ASTN2: variants seen among roughly 807,000 people sequenced by gnomAD.
ASTN2 encodes astrotactin-2.
Under a neutral mutation model 139.8 loss-of-function variants are expected in ASTN2, and 54 were observed. The ratio of observed to expected loss-of-function variants is 0.39; its 90% CI spans 0.31 to 0.48. The LOEUF is 0.48. ASTN2 is among the 20% of genes least tolerant of loss of function. ASTN2 has a pLI of 0.95. For synonymous variants in ASTN2, 756 were observed against 719.5 expected (o/e 1.05, Z -0.81); for missense variants, 1,565 against 1,725.1 (o/e 0.91, Z 1.64).
chr9:117,226,138 G>A (rs1832706140), intron 2 of ASTN2, among the ~76,000 whole-genome samples: 1 of 152,216 alleles, frequency 6.6e-6, no homozygotes, highest in African/African-American at 2.4e-5. Context: ...TCCAATTACA[G>A]TCAAGTTCAA....
chr9:117,262,600 C>T (rs950625659), intron 2 of ASTN2, among the ~76,000 whole-genome samples: 2 of 151,968 alleles, frequency 1.3e-5, no homozygotes, highest in Non-Finnish European at 2.9e-5. Flanking sequence ...TTGCAGTGAA[C>T]TTTTTAGGGT....
chr9:117,399,059 C>T (rs1830752780), intron 1 of ASTN2, among the ~76,000 whole-genome samples: 1 of 152,282 alleles, frequency 6.6e-6, no homozygotes, highest in East Asian at 1.9e-4. Context: ...GCTGGGATTA[C>T]AGGCGTGAGC....
intron 4 of ASTN2, among the ~76,000 whole-genome samples, chr9:117,110,735 A>G (rs1829228827): frequency 1.3e-5 from 2 of 152,240 alleles, no homozygotes; most frequent in Admixed American, 1.3e-4. Context: ...TAGCCAGCAC[A>G]GGATGAATTT....
chr9:117,369,208 G>A (rs1212973051), intron 1 of ASTN2, among the ~76,000 whole-genome samples: 1 of 152,008 alleles, frequency 6.6e-6, no homozygotes, highest in Non-Finnish European at 1.5e-5. Context: ...CAGTGATCCT[G>A]ATTGCTCTTG....
chr9:116,907,033 C>G (rs921672500), intron 10 of ASTN2, among the ~76,000 whole-genome samples: 9 of 152,116 alleles, frequency 5.9e-5, no homozygotes, highest in African/African-American at 1.9e-4. Context: ...ACGAGCATTG[C>G]ATTCATTTTC....
intron 10 of ASTN2, among the ~76,000 whole-genome samples, chr9:116,912,196 T>C (rs1486665541): frequency 6.6e-6 from 1 of 152,274 alleles, no homozygotes; most frequent in Non-Finnish European, 1.5e-5. Context: ...AGAGATTGCT[T>C]TGAATCCATG....
intron 12 of ASTN2, among the ~76,000 whole-genome samples, chr9:116,817,027 G>T (rs1831348827): frequency 6.6e-6 from 1 of 152,134 alleles, no homozygotes; most frequent in African/African-American, 2.4e-5. Context: ...AGGCACGGTA[G>T]CTCACGCCTG....
At chr9:116,639,957 T>G (rs1588127425) in intron 17 of ASTN2, among the ~76,000 whole-genome samples, 1 of 152,316 alleles carries the variant, frequency 6.6e-6, no homozygotes. Context: ...TTTATTGAAT[T>G]TCTACTATGC....
chr9:117,032,588 C>T (rs1007976660), intron 6 of ASTN2, among the ~76,000 whole-genome samples: 2 of 152,156 alleles, frequency 1.3e-5, no homozygotes, highest in Non-Finnish European at 2.9e-5. Flanking sequence ...TGAAAATACT[C>T]CTTCCATGTA....
intron 10 of ASTN2, among the ~76,000 whole-genome samples, chr9:116,899,086 A>G (rs924925658): frequency 6.6e-6 from 1 of 152,200 alleles, no homozygotes; most frequent in African/African-American, 2.4e-5. Context: ...CTTAATTCCT[A>G]TAGTGCCAGT....
chr9:116,945,303 G>T (rs1434111865), intron 10 of ASTN2, among the ~76,000 whole-genome samples: 1 of 152,116 alleles, frequency 6.6e-6, no homozygotes, highest in Non-Finnish European at 1.5e-5. Context: ...AAAGGGATGG[G>T]GCTCACCTTT....
At chr9:117,212,404 G>T (rs1300813209) in intron 3 of ASTN2, among the ~76,000 whole-genome samples, 1 of 151,716 alleles carries the variant, frequency 6.6e-6, no homozygotes, top group Non-Finnish European at 1.5e-5. Context: ...AAAAGCAAAA[G>T]TAGACAAGAT....
chr9:117,096,522 G>T (rs949587960), intron 4 of ASTN2, among the ~76,000 whole-genome samples: 2 of 152,174 alleles, frequency 1.3e-5, no homozygotes, highest in Non-Finnish European at 2.9e-5. Flanking sequence ...GATAGCTATT[G>T]TTGCTTTTGG....
chr9:117,321,056 GT>G (rs1006497307), intron 1 of ASTN2, among the ~76,000 whole-genome samples: 2 of 152,176 alleles, frequency 1.3e-5, no homozygotes, highest in South Asian at 4.1e-4. Context: ...TGCCCCATCA[GT>G]TTTTTTTCAC....
intron 2 of ASTN2, among the ~76,000 whole-genome samples, chr9:117,247,661 G>A (rs1039562655): frequency 1.3e-5 from 2 of 152,220 alleles, no homozygotes; most frequent in Non-Finnish European, 2.9e-5. Flanking sequence ...CACAGTGGAG[G>A]CTGCAATGTG....
intron 11 of ASTN2, among the ~76,000 whole-genome samples, chr9:116,850,834 C>T (rs952536693): frequency 1.3e-5 from 2 of 152,070 alleles, no homozygotes; most frequent in Non-Finnish European, 2.9e-5. Context: ...GAAGCAGCAG[C>T]CCAAACCAGA....
At position 116,506,048 on chromosome 9, in the gene ASTN2, T is replaced by A. The variant is rs150467758; in HGVS notation, c.3356-18548A>T. On this transcript the variant is annotated intron_variant, in intron 19 of 22. Coordinates refer to ENST00000313400, the MANE Select transcript of ASTN2 (RefSeq NM_001365068.1). ...GTACACTTTGACTCTGTATTGCACA[T>A]CTATTACTTTACCATCATTGCCTCC... Among the ~76,000 whole-genome samples the A allele has an allele frequency of 6.2e-3, 946 of 152,280 alleles. 14 individuals carry two copies. The highest frequency in any genetic ancestry group is 0.021 in the African/African-American group (885 of 41,536).
intron 1 of ASTN2, among the ~76,000 whole-genome samples, chr9:117,372,162 G>A (rs1465760745): frequency 1.3e-5 from 2 of 152,128 alleles, no homozygotes; most frequent in Non-Finnish European, 2.9e-5. Context: ...GCCAGTGTGT[G>A]CACATTAGCA....
chr9:116,528,571 C>CA (rs780636956), intron 19 of ASTN2, among the ~76,000 whole-genome samples: 4 of 152,152 alleles, frequency 2.6e-5, no homozygotes, highest in African/African-American at 7.2e-5. Context: ...CCATCAGCTG[C>CA]AAAAAAATTG....
Sources: allele counts gnomAD v4.1 joint callset (sites outside exome capture counted in the v4.1 genomes callset), GRCh38; gene constraint gnomAD v4.1.1; transcripts MANE v1.5; gene names NCBI Gene and HGNC (gene_info 2026-07-23, HGNC 2026-07-21).